The following PKD1L3 variants were observed in gnomAD, a reference collection of about 807,000 sequenced individuals.
PKD1L3 encodes the protein polycystin-1-like protein 3.
Under a neutral mutation model 184.1 loss-of-function variants are expected in PKD1L3, and 239 were observed. The observed-to-expected ratio is 1.30, with a 90% confidence interval of 1.17 to 1.45. PKD1L3 has a LOEUF of 1.45. PKD1L3 is among the 40% of genes most tolerant of loss of function. The pLI is 0.00. For synonymous variants in PKD1L3, 996 were observed against 778.8 expected, an observed-to-expected ratio of 1.28 and a Z score of -4.64; for missense variants, 2,660 against 2,067.2, an observed-to-expected ratio of 1.29 and a Z score of -5.56.
intron 6 of PKD1L3, among the ~76,000 whole-genome samples, chr16:71,983,663 C>CTTTTTT (rs1180950058): frequency 1.7e-4 from 17 of 100,322 alleles, no homozygotes; most frequent in East Asian, 5.6e-4. Context: ...GATTCTCTTT[C>CTTTTTT]TTTTTTTTTT....
chr16:71,986,746 G>C (rs1196877183), intron 4 of PKD1L3, among the ~76,000 whole-genome samples: 1 of 152,028 alleles, frequency 6.6e-6, no homozygotes, highest in Non-Finnish European at 1.5e-5. Context: ...AACTGAATAT[G>C]GCAATGAGCA....
In PKD1L3 at chr16:71,967,327, CAGGG is replaced by C; in HGVS notation, c.2287-16_2287-13del. ...AGGGTGATGACAACCTACAATGAGA[CAGGG>C]AAAGATAAAATATAAGGAATTTTAA... On this transcript the variant is annotated splice_polypyrimidine_tract_variant and intron_variant, in intron 14 of 29. Coordinates refer to ENST00000620267, the MANE Select transcript of PKD1L3 (RefSeq NM_181536.2). 1 of 1,543,740 alleles carries C rather than the reference CAGGG, an allele frequency of 6.5e-7. No individual in the cohort carries two copies. Among genetic ancestry groups the C allele is most frequent in the Non-Finnish European group, 8.7e-7 (1 of 1,143,852 alleles).
intron 15 of PKD1L3, among the ~76,000 whole-genome samples, chr16:71,964,309 C>CTTTTTTTTTTTTTT (rs772995457): frequency 3.5e-5 from 2 of 56,658 alleles, no homozygotes; most frequent in African/African-American, 1.4e-4. Flanking sequence ...TCGTCAAAAT[C>CTTTTTTTTTTTTTT]TTTTTTTTTT....
intron 17 of PKD1L3, among the ~76,000 whole-genome samples, chr16:71,953,606 TA>T (rs1318550528): frequency 6.6e-6 from 1 of 152,212 alleles, no homozygotes; most frequent in Non-Finnish European, 1.5e-5. Flanking sequence ...CACTTTTTTT[TA>T]ATCCCCGAGA....
chr16:71,945,657 G>A (rs1033264082), intron 22 of PKD1L3, among the ~76,000 whole-genome samples: 4 of 151,700 alleles, frequency 2.6e-5, no homozygotes, highest in South Asian at 2.1e-4. Flanking sequence ...CAACCTGGGC[G>A]ACAGAGCAAG....
intron 15 of PKD1L3, 45 bp downstream of exon 15, chr16:71,967,092 G>C: frequency 4.0e-6 from 6 of 1,507,776 alleles, no homozygotes; most frequent in Non-Finnish European, 4.5e-6. Context: ...TTCTCTCTTG[G>C]ATCCACAAAG....
In PKD1L3 at chr16:71,977,301, T is replaced by A. The variant is rs745866682; in HGVS notation, c.1694A>T (p.Tyr565Phe). ...GTGGAAGTGAGTGCAGTTAGGCTGA[T>A]ACTGGAACCCCAGGTAGAGTGTCAT... Reference protein sequence around the residue: ...LLMTLYLGFQYQPNCTHFHLN... With the variant: ...LLMTLYLGFQFQPNCTHFHLN... Residue 565 changes from tyrosine (Y) to phenylalanine (F), a missense_variant, in exon 11 of 30, where the codon TAT becomes TTT. Coordinates refer to ENST00000620267, the MANE Select transcript of PKD1L3 (RefSeq NM_181536.2). 2 of 1,543,960 alleles carry A rather than the reference T, an allele frequency of 1.3e-6. No homozygotes were observed. Among genetic ancestry groups the A allele is most frequent in the Non-Finnish European group, 8.8e-7 (1 of 1,140,118 alleles).
At chr16:71,998,562 T>C (rs1057189753) in intron 1 of PKD1L3, among the ~76,000 whole-genome samples, 168 bp from the exon 2 acceptor site, 2 of 152,228 alleles carry the variant, frequency 1.3e-5, no homozygotes, top group Non-Finnish European at 2.9e-5. Flanking sequence ...GTAATTCTCC[T>C]GCCTCAGCCT....
intron 16 of PKD1L3, among the ~76,000 whole-genome samples, chr16:71,955,678 G>C (rs1399223776): frequency 6.6e-6 from 1 of 151,936 alleles, no homozygotes; most frequent in Non-Finnish European, 1.5e-5. Flanking sequence ...ATCTCATCTT[G>C]AATTGTAGTT....
intron 14 of PKD1L3, 141 bp from the exon 15 acceptor site, chr16:71,967,456 T>C: frequency 1.2e-6 from 1 of 847,116 alleles, no homozygotes; most frequent in Non-Finnish European, 1.8e-6. Flanking sequence ...TAATTCTTCA[T>C]ATATGCAGTA....
intron 6 of PKD1L3, among the ~76,000 whole-genome samples, chr16:71,982,693 C>G (rs1479506475): frequency 6.6e-6 from 1 of 152,060 alleles, no homozygotes; most frequent in African/African-American, 2.4e-5. Flanking sequence ...AACTTCTGGA[C>G]TCAAGCAATC....
intron 24 of PKD1L3, 113 bp from the exon 25 acceptor site, chr16:71,937,532 G>C (rs2038222577): frequency 1.7e-6 from 2 of 1,166,974 alleles, no homozygotes; most frequent in South Asian, 3.2e-5. Flanking sequence ...ATGTTTCTGA[G>C]TCTCAGTGCT....
intron 22 of PKD1L3, among the ~76,000 whole-genome samples, chr16:71,945,303 TATACACACACACACAC>T (rs1280003762): frequency 6.4e-4 from 33 of 51,180 alleles, no homozygotes; most frequent in African/African-American, 2.3e-3. Context: ...TATATATATA[TATACACACACACACAC>T]ACATATATAC....
intron 24 of PKD1L3, 131 bp from the exon 25 acceptor site, chr16:71,937,550 G>A (rs2038223248): frequency 1.0e-6 from 1 of 998,986 alleles, no homozygotes; most frequent in Admixed American, 2.8e-5. Flanking sequence ...GCTCCACTTA[G>A]TATTTCCTTT....
chr16:71,956,184 A>ATTTTTT (rs35268514), intron 16 of PKD1L3, among the ~76,000 whole-genome samples: 1,261 of 82,686 alleles, frequency 0.015, 41 homozygotes, highest in East Asian at 0.05. Flanking sequence ...AAAGGAAGGA[A>ATTTTTT]TTTTTTTTTT....
intron 6 of PKD1L3, among the ~76,000 whole-genome samples, chr16:71,982,817 C>T (rs1415575870): frequency 6.6e-6 from 1 of 152,014 alleles, no homozygotes; most frequent in Non-Finnish European, 1.5e-5. Context: ...TGGTCTCAAA[C>T]ACCTGGCCCC....
intron 16 of PKD1L3, among the ~76,000 whole-genome samples, chr16:71,962,182 C>T (rs1268969694): frequency 6.6e-6 from 1 of 152,052 alleles, no homozygotes; most frequent in Non-Finnish European, 1.5e-5. Context: ...CCTCGGCCTC[C>T]CAAAGTGCTG....
chr16:71,934,261 C>A, intron 26 of PKD1L3, 136 bp from the exon 27 acceptor site: 1 of 745,566 alleles, frequency 1.3e-6, no homozygotes. Context: ...GAACTGCTTT[C>A]TATTGTGGCC....
At position 71,995,156 on chromosome 16, in the gene PKD1L3, G is replaced by A. The variant is rs562567281; in HGVS notation, c.419-1824C>T. ...AGAAGGCACTGGCACTTGGAGTTGG[G>A]GGAAGGCTGCAACCTCGTAAGGTGA... On this transcript the variant is annotated intron_variant, in intron 2 of 29. Coordinates refer to ENST00000620267, the MANE Select transcript of PKD1L3 (RefSeq NM_181536.2). 4.4e-4 allele frequency among the ~76,000 whole-genome samples: 67 copies of A among 152,254 alleles called. 1 individual carries two copies. The South Asian group carries it at 5.2e-3, about 12-fold the overall frequency.
Sources: gnomAD v4.1 joint callset for allele counts (sites outside exome capture counted in the v4.1 genomes callset) on GRCh38, gnomAD v4.1.1 for gene constraint, MANE v1.5 for transcripts, NCBI Gene and HGNC (gene_info 2026-07-23, HGNC 2026-07-21) for gene names.